The following HK1 variants were observed in gnomAD, a reference collection of about 807,000 sequenced individuals.
HK1 encodes the protein hexokinase-1.
HK1 carries 28 observed loss-of-function variants against 91.6 expected under a neutral mutation model. The observed-to-expected ratio is 0.31, with a 90% CI of 0.23 to 0.42. The LOEUF is 0.42. Among genes scored for constraint, HK1 ranks in the 10% least tolerant of loss-of-function variants. HK1 has a pLI of 1.00. For missense variants in HK1, 770 were observed against 1,219.8 expected, an observed-to-expected ratio of 0.63 and a Z score of 5.49; for synonymous variants, 430 against 468.1, an observed-to-expected ratio of 0.92 and a Z score of 1.05.
chr10:69,313,311 C>T (rs1383522778), upstream of HK1, among the ~76,000 whole-genome samples: 1 of 152,050 alleles, frequency 6.6e-6, no homozygotes, highest in Non-Finnish European at 1.5e-5. Flanking sequence ...CTAAAGGGGG[C>T]GGTGGCTGCT....
intron 16 of HK1, among the ~76,000 whole-genome samples, chr10:69,396,685 T>A (rs1392386833): frequency 2.0e-5 from 3 of 152,204 alleles, no homozygotes; most frequent in Non-Finnish European, 4.4e-5. Flanking sequence ...CTTATTTTTT[T>A]ATTTTTATTT....
intron 2 of HK1, among the ~76,000 whole-genome samples, chr10:69,359,055 T>TA (rs11295023): frequency 0.052 from 7,543 of 144,534 alleles, 209 homozygotes; most frequent in African/African-American, 0.084. Context: ...CTCTATTAAT[T>TA]AAAAAAAAAA....
chr10:69,304,637 T>G (rs1441002993), intron 5 of HK1, among the ~76,000 whole-genome samples: 1 of 152,138 alleles, frequency 6.6e-6, no homozygotes, highest in Non-Finnish European at 1.5e-5. Context: ...TAAACTAAGT[T>G]CCTCCCAAAG....
chr10:69,315,071 C>A (rs1422580118), upstream of HK1, among the ~76,000 whole-genome samples: 2 of 152,214 alleles, frequency 1.3e-5, no homozygotes, highest in East Asian at 3.8e-4. Flanking sequence ...AAGAAAAAAA[C>A]CAAAACACCC....
chr10:69,279,650 A>C (rs577527677), intron 1 of HK1, among the ~76,000 whole-genome samples: 14 of 152,336 alleles, frequency 9.2e-5, no homozygotes, highest in African/African-American at 3.4e-4. Flanking sequence ...CATAACAAGC[A>C]ATGATAGTTT....
rs553577053 is a variant in HK1 at position 69,384,221 on chromosome 10, C to T, written c.1571-112C>T. ...CCTAAAGGGAGGAGTTGCAGCTTCT[C>T]CTCTATGTTTGCTATGGGGTTCTCC... On this transcript the variant is annotated intron_variant, in intron 10 of 17. Coordinates refer to ENST00000359426, the MANE Select transcript of HK1 (RefSeq NM_000188.3). The T allele has an allele frequency of 1.0e-4, 129 of 1,289,424 alleles. 2 individuals carry two copies. The highest frequency in any genetic ancestry group is 8.6e-4 in the South Asian group (72 of 83,880). 79.9% of individuals were successfully genotyped at this position (1,289,424 alleles called of 1,614,324 possible).
chr10:69,378,637 C>G (rs1839235964), intron 8 of HK1, among the ~76,000 whole-genome samples: 1 of 152,124 alleles, frequency 6.6e-6, no homozygotes, highest in South Asian at 2.1e-4. Context: ...CCAGGCTGGT[C>G]TCAAACTCCT....
chr10:69,298,553 A>G (rs1384083687), intron 4 of HK1, among the ~76,000 whole-genome samples: 1 of 151,814 alleles, frequency 6.6e-6, no homozygotes, highest in East Asian at 1.9e-4. Flanking sequence ...CTTGAGTCCA[A>G]GAGTTTGAGG....
chr10:69,386,945 G>T (rs1022125948), intron 13 of HK1, among the ~76,000 whole-genome samples: 5 of 151,384 alleles, frequency 3.3e-5, no homozygotes, highest in South Asian at 2.1e-4. Context: ...TTTTTTTTTA[G>T]AAAGGCAAAT....
chr10:69,289,460 A>ATTTTTTTT (rs1564755510), intron 3 of HK1, among the ~76,000 whole-genome samples: 4 of 93,742 alleles, frequency 4.3e-5, no homozygotes, highest in Non-Finnish European at 6.2e-5. Flanking sequence ...TAAAAAAAAA[A>ATTTTTTTT]ATTTTTTTTT....
chr10:69,317,967 C>A, upstream of HK1: 2 of 838,140 alleles, frequency 2.4e-6, no homozygotes, highest in Non-Finnish European at 2.9e-6. Flanking sequence ...GAAAACACGG[C>A]ACCTGGGAAG....
intron 3 of HK1, among the ~76,000 whole-genome samples, chr10:69,361,032 G>C (rs2132767585): frequency 7.7e-6 from 1 of 129,430 alleles, no homozygotes. Flanking sequence ...ATGAGACCCA[G>C]GAGCCTTCTC....
At chr10:69,277,526 C>T (rs1844529601) in intron 1 of HK1, among the ~76,000 whole-genome samples, 1 of 152,118 alleles carries the variant, frequency 6.6e-6, no homozygotes, top group Non-Finnish European at 1.5e-5. Context: ...CATGATCATG[C>T]CACTGCACTC....
chr10:69,371,216 C>T (rs1332843781), intron 7 of HK1, among the ~76,000 whole-genome samples: 1 of 152,028 alleles, frequency 6.6e-6, no homozygotes, highest in Non-Finnish European at 1.5e-5. Context: ...GTTCTTACAC[C>T]CAGAGTTGAG....
chr10:69,314,774 T>A (rs1238900370), upstream of HK1, among the ~76,000 whole-genome samples: 1 of 152,188 alleles, frequency 6.6e-6, no homozygotes, highest in Non-Finnish European at 1.5e-5. Context: ...TTCAAGCGAT[T>A]CTCTTGCCTA....
intron 1 of HK1, among the ~76,000 whole-genome samples, chr10:69,343,285 G>A (rs981617436): frequency 3.9e-5 from 6 of 152,232 alleles, no homozygotes; most frequent in African/African-American, 1.4e-4. Flanking sequence ...AGCAGTTACT[G>A]TGTTCTAAGT....
chr10:69,281,512 A>T (rs1844747524), intron 1 of HK1, among the ~76,000 whole-genome samples: 1 of 152,120 alleles, frequency 6.6e-6, no homozygotes, highest in Non-Finnish European at 1.5e-5. Context: ...ACTTAGACCA[A>T]TGTGTCCCAG....
At chr10:69,287,281 G>A (rs1233546333) in intron 2 of HK1, among the ~76,000 whole-genome samples, 1 of 152,126 alleles carries the variant, frequency 6.6e-6, no homozygotes, top group Non-Finnish European at 1.5e-5. Flanking sequence ...CAGGGTGAAG[G>A]GGGAAGAGCC....
At chr10:69,385,935 T>C (rs1839608073) in intron 12 of HK1, among the ~76,000 whole-genome samples, 1 of 152,238 alleles carries the variant, frequency 6.6e-6, no homozygotes, top group Non-Finnish European at 1.5e-5. Context: ...ACAGTATTAC[T>C]AAACTCTTAG....
Sources: allele counts gnomAD v4.1 joint callset (sites outside exome capture counted in the v4.1 genomes callset), GRCh38; gene constraint gnomAD v4.1.1; transcripts MANE v1.5; gene names NCBI Gene and HGNC (gene_info 2026-07-23, HGNC 2026-07-21).